Variants in OSGEPL1 observed in about 807,000 individuals in gnomAD.
OSGEPL1 encodes the protein tRNA N6-adenosine threonylcarbamoyltransferase, mitochondrial.
OSGEPL1 carries 26 observed loss-of-function variants against 37.2 expected under a neutral mutation model. That is an observed-to-expected ratio of 0.70 (90% CI 0.51 to 0.97). The LOEUF (loss-of-function observed/expected upper bound fraction) is 0.97. Among genes scored for constraint, OSGEPL1 ranks in the 50% least tolerant of loss-of-function variants. The probability of loss-of-function intolerance (pLI) is 0.00; values close to 1 mark genes in which losing one functional copy is unlikely to be tolerated. For missense variants in OSGEPL1, 404 were observed against 487.0 expected (o/e 0.83, Z 1.60); for synonymous variants, 140 against 159.9 (o/e 0.88, Z 0.94).
At chr2:189,760,300 G>A (rs2046820869) in intron 2 of OSGEPL1, among the ~76,000 whole-genome samples, 1 of 152,184 alleles carries the variant, frequency 6.6e-6, no homozygotes, top group Non-Finnish European at 1.5e-5. Flanking sequence ...TGGCAGCCGG[G>A]CAGAGGGGCT....
In OSGEPL1 at chr2:189,755,159, T is replaced by C. The variant is rs1283258829; in HGVS notation, c.609+14A>G. 1.2e-5 allele frequency: 19 copies of C among 1,591,334 alleles called. No individual in the cohort carries two copies. Among genetic ancestry groups the C allele is most frequent in the South Asian group, 8.2e-5 (7 of 85,722 alleles). Reference sequence around the variant, plus strand: ...ACATAACAAAAAAGAATGGAGAAATTAATTCTTAATTACCTTGTCAAGCAT... The same window carrying C: ...ACATAACAAAAAAGAATGGAGAAATCAATTCTTAATTACCTTGTCAAGCAT... On this transcript the variant is annotated intron_variant, in intron 3 of 8. Coordinates refer to ENST00000264151, the MANE Select transcript of OSGEPL1 (RefSeq NM_022353.3).
Position 189,762,715 on chromosome 2 carries a change from G to C in OSGEPL1, c.-51C>G. The C allele has an allele frequency of 1.1e-5, 11 of 985,418 alleles. No individual in the cohort carries two copies. The highest frequency in any genetic ancestry group is 1.2e-5 in the Non-Finnish European group (10 of 829,968). The allele number at this position is 985,418 out of a possible 1,614,324, so 61.0% of individuals were successfully genotyped here. A position where few individuals can be genotyped will look rare whatever the true frequency, so the allele number is the denominator to read the frequency against. On this transcript the variant is annotated 5_prime_UTR_variant, in exon 1 of 9. Transcript: ENST00000264151. ...ACTTGGGCGGCAGTAGCTAGCACTT[G>C]TCTCCTTTCCCTACTAAAGACTGTC...
chr2:189,751,884 AC>A (rs1299147873), intron 7 of OSGEPL1, among the ~76,000 whole-genome samples: 3 of 151,278 alleles, frequency 2.0e-5, no homozygotes, highest in Non-Finnish European at 4.4e-5. Flanking sequence ...GGTGGCTCAC[AC>A]CTGTCATCCC....
At chr2:189,750,990 AT>A in intron 7 of OSGEPL1, among the ~76,000 whole-genome samples, 1 of 152,346 alleles carries the variant, frequency 6.6e-6, no homozygotes, top group South Asian at 2.1e-4. Flanking sequence ...AGGTAAAAAC[AT>A]TTTTGCCACA....
intron 7 of OSGEPL1, among the ~76,000 whole-genome samples, chr2:189,752,105 C>T (rs566884163): frequency 6.6e-6 from 1 of 151,696 alleles, no homozygotes; most frequent in African/African-American, 2.4e-5. Context: ...GAATGCGCCA[C>T]TGCACTCTAG....
At chr2:189,761,209 T>C in intron 2 of OSGEPL1, 1 of 387,090 alleles carries the variant, frequency 2.6e-6, no homozygotes, top group Non-Finnish European at 4.5e-6. Context: ...TCAGTTTCTT[T>C]TGGCAACAGG....
chr2:189,750,819 T>C (rs2045055539), intron 7 of OSGEPL1, among the ~76,000 whole-genome samples, 163 bp from the exon 8 acceptor site: 1 of 152,182 alleles, frequency 6.6e-6, no homozygotes, highest in Non-Finnish European at 1.5e-5. Context: ...GGACCTCAAG[T>C]CAGGATAATG....
At chr2:189,760,876 A>G (rs1490794892) in intron 2 of OSGEPL1, among the ~76,000 whole-genome samples, 1 of 152,168 alleles carries the variant, frequency 6.6e-6, no homozygotes, top group African/African-American at 2.4e-5. Context: ...GCATTCCCAC[A>G]TGACAACTGG....
At chr2:189,750,490 T>C in intron 8 of OSGEPL1, 60 bp downstream of exon 8, 2 of 666,980 alleles carry the variant, frequency 3.0e-6, no homozygotes, top group Non-Finnish European at 2.6e-6. Flanking sequence ...ATTAATATTA[T>C]ATATCTTCTA....
At chr2:189,750,376 A>G (rs1215571875) in intron 8 of OSGEPL1, among the ~76,000 whole-genome samples, 174 bp downstream of exon 8, 1 of 152,204 alleles carries the variant, frequency 6.6e-6, no homozygotes, top group East Asian at 1.9e-4. Context: ...AATAATTAAA[A>G]GAAAAAAACT....
At position 189,752,719 on chromosome 2, in the gene OSGEPL1, C is replaced by T. The variant is rs1340759044; in HGVS notation, c.1100G>A (p.Gly367Asp). The T allele has an allele frequency of 9.9e-6, 16 of 1,613,876 alleles. No individual in the cohort carries two copies. The highest frequency in any genetic ancestry group is 1.4e-5 in the Non-Finnish European group (16 of 1,179,862). ...TDNGIMIAWN[G>D]IERLRAGLGI... ...CAAGCCAGCACGTAGTCTTTCAATA[C>T]CATTCCTAAATAAGAAGCATTAAAA... Residue 367 changes from glycine to aspartate, a missense_variant, in exon 7 of 9, where the codon GGT becomes GAT. By Grantham distance (94) the Gly-to-Asp change is moderately conservative. Transcript: ENST00000264151.
intron 2 of OSGEPL1, among the ~76,000 whole-genome samples, chr2:189,757,010 A>G (rs2046181367): frequency 6.6e-6 from 1 of 151,902 alleles, no homozygotes. Flanking sequence ...TCTTCCAGGG[A>G]TTATGCTAAA....
rs372105015 is a variant in OSGEPL1 at position 189,761,624 on chromosome 2, T to G, written c.17A>C (p.Lys6Thr). 62 of 1,598,174 alleles carry G rather than the reference T, an allele frequency of 3.9e-5. No individual in the cohort carries two copies. The highest frequency in any genetic ancestry group is 2.3e-4 in the Admixed American group (13 of 57,238). The change falls in exon 2 of 9, where the codon AAG becomes ACG. Residue 6 changes from lysine (K) to threonine (T), a missense_variant. Transcript: ENST00000264151. ...TGGTTTAAAAAAAACTCCTGCAGTC[T>G]TAGTCAAGATTAGCATACTTACTCT... is the stretch of plus-strand genomic sequence containing the variant. The part of the protein sequence containing the change: MLILT[K>T]TAGVFFKPSK...
At chr2:189,753,553 G>T (rs1460275191) in intron 5 of OSGEPL1, among the ~76,000 whole-genome samples, 1 of 151,812 alleles carries the variant, frequency 6.6e-6, no homozygotes, top group African/African-American at 2.4e-5. Flanking sequence ...AATTTGACTG[G>T]CTTATTAAAA....
chr2:189,751,449 T>C, intron 7 of OSGEPL1, among the ~76,000 whole-genome samples: 1 of 150,510 alleles, frequency 6.6e-6, no homozygotes, highest in South Asian at 2.1e-4. Flanking sequence ...GTTGTGTTTT[T>C]TTTTTTTTTT....
chr2:189,750,048 A>G (rs1478643469), intron 8 of OSGEPL1, among the ~76,000 whole-genome samples: 1 of 152,168 alleles, frequency 6.6e-6, no homozygotes, highest in Non-Finnish European at 1.5e-5. Context: ...GCTTGAACCC[A>G]GAAGGTAGAG....
chr2:189,749,951 A>C (rs539047346), intron 8 of OSGEPL1, among the ~76,000 whole-genome samples: 1 of 152,104 alleles, frequency 6.6e-6, no homozygotes, highest in African/African-American at 2.4e-5. Flanking sequence ...GTGAAACCCC[A>C]TCTCTACTAA....
intron 2 of OSGEPL1, among the ~76,000 whole-genome samples, chr2:189,759,205 T>C (rs533024313): frequency 2.0e-5 from 3 of 152,178 alleles, no homozygotes; most frequent in Admixed American, 6.5e-5. Flanking sequence ...ACATACATTA[T>C]TTCTAATGCC....
At chr2:189,754,384 A>C in intron 3 of OSGEPL1, 39 bp from the exon 4 acceptor site, 1 of 1,517,840 alleles carries the variant, frequency 6.6e-7, no homozygotes, top group Non-Finnish European at 8.9e-7. Flanking sequence ...ATAAAATTAA[A>C]TACTGTGAAA....
Sources: gnomAD v4.1 joint callset for allele counts (sites outside exome capture counted in the v4.1 genomes callset) on GRCh38, gnomAD v4.1.1 for gene constraint, MANE v1.5 for transcripts, NCBI Gene and HGNC (gene_info 2026-07-23, HGNC 2026-07-21) for gene names.